SLC26A7: variants seen among roughly 807,000 people sequenced by gnomAD.
The protein encoded by SLC26A7 is anion exchange transporter.
A neutral mutation model predicts 82.5 loss-of-function variants in SLC26A7; 59 were observed. The observed-to-expected ratio is 0.72, with a 90% CI of 0.58 to 0.89. SLC26A7 has a LOEUF of 0.89. Ranked by LOEUF, SLC26A7 falls within the 40% of genes least tolerant of loss-of-function variation. The pLI is 0.00. For missense variants in SLC26A7, 820 were observed against 793.0 expected, an observed-to-expected ratio of 1.03 and a Z score of -0.41; for synonymous variants, 271 against 274.3, an observed-to-expected ratio of 0.99 and a Z score of 0.12.
Position 91,370,101 on chromosome 8 carries a change from ACTT to A in SLC26A7, c.1675+274_1675+276del, listed in dbSNP as rs530071162. 3.5e-3 allele frequency among the ~76,000 whole-genome samples: 515 copies of A among 148,212 alleles called. 3 individuals are homozygous for A. Among genetic ancestry groups the A allele is most frequent in the African/African-American group, 9.8e-3 (396 of 40,346 alleles). On this transcript the variant is annotated intron_variant, in intron 15 of 18. Transcript: ENST00000276609. ...CTTCTCCCTTCTCTTTCTTTCTCCC[ACTT>A]CTTCTCCTGTCTTCTCCCTCTCTCC...
chr8:91,377,280 A>T (rs1814543824), intron 15 of SLC26A7, among the ~76,000 whole-genome samples: 1 of 152,140 alleles, frequency 6.6e-6, no homozygotes, highest in African/African-American at 2.4e-5. Flanking sequence ...CTCCATGTCT[A>T]TTCCTGGCTG....
At chr8:91,260,433 A>G (rs1810931939) in intron 2 of SLC26A7, among the ~76,000 whole-genome samples, 1 of 152,158 alleles carries the variant, frequency 6.6e-6, no homozygotes, top group East Asian at 1.9e-4. Context: ...ACACAGAGCT[A>G]AACCATATCA....
At position 91,301,888 on chromosome 8, in the gene SLC26A7, A is replaced by G. The variant is rs144219196; in HGVS notation, c.477+6185A>G. On this transcript the variant is annotated intron_variant, in intron 4 of 18. Transcript: ENST00000276609. ...TTTGAAATGTATTCTGTTGATTTTT[A>G]TATATACTGTGTTTTGCTTCAATAT... Among the ~76,000 whole-genome samples the G allele has an allele frequency of 2.9e-3, 433 of 151,380 alleles. 2 individuals carry two copies. Among genetic ancestry groups the G allele is most frequent in the African/African-American group, 9.7e-3 (400 of 41,286 alleles).
In SLC26A7 at chr8:91,362,360, G is replaced by A. The variant is rs2130869825; in HGVS notation, c.1322G>A (p.Trp441Ter). 6.2e-7 allele frequency: 1 copy of A among 1,606,582 alleles called. No individual in the cohort carries two copies. The highest frequency in any genetic ancestry group is 2.2e-5 in the East Asian group (1 of 44,794). ...WNVDKIDWGIWVSTYVFTICF... is the reference protein window; with the variant it reads ...WNVDKIDWGI ...TTCTTGTTTCTCTTTCAGGGAATATGGGTCAGTACATATGTATTTACAATA... is the reference window on the plus strand; with the variant it reads ...TTCTTGTTTCTCTTTCAGGGAATATAGGTCAGTACATATGTATTTACAATA... Residue 441 changes from tryptophan to a stop codon, truncating the protein, a stop_gained, in exon 12 of 19, where the codon TGG becomes TAG. Coordinates refer to ENST00000276609, the MANE Select transcript of SLC26A7 (RefSeq NM_052832.4). LOFTEE classifies it high-confidence loss of function.
chr8:91,270,400 T>C (rs1811237010), intron 2 of SLC26A7, among the ~76,000 whole-genome samples: 1 of 152,170 alleles, frequency 6.6e-6, no homozygotes, highest in African/African-American at 2.4e-5. Context: ...CATTGGAACT[T>C]AAACACTGCA....
chr8:91,311,170 C>G (rs1366520658), intron 4 of SLC26A7, among the ~76,000 whole-genome samples: 1 of 152,140 alleles, frequency 6.6e-6, no homozygotes, highest in East Asian at 1.9e-4. Flanking sequence ...TTTAGTCTTC[C>G]AGACTCTAGT....
chr8:91,255,438 T>C (rs1271067594), intron 2 of SLC26A7, among the ~76,000 whole-genome samples: 1 of 152,130 alleles, frequency 6.6e-6, no homozygotes, highest in Non-Finnish European at 1.5e-5. Context: ...TCTGGGAATG[T>C]TTCCCTGCAT....
At chr8:91,390,558 T>G (rs2130906675) in intron 16 of SLC26A7, among the ~76,000 whole-genome samples, 1 of 152,250 alleles carries the variant, frequency 6.6e-6, no homozygotes, top group African/African-American at 2.4e-5. Flanking sequence ...TTCTGCCAGC[T>G]TCTGAGCCTG....
In SLC26A7 at chr8:91,239,398, ATAT is replaced by A. The variant is rs557423718; in HGVS notation, c.-33-10220_-33-10218del. Among the ~76,000 whole-genome samples, 217 of 104,314 alleles carry A rather than the reference ATAT, an allele frequency of 2.1e-3. 1 individual carries two copies. The highest frequency in any genetic ancestry group is 7.8e-3 in the African/African-American group (209 of 26,928). 68.4% of individuals were successfully genotyped at this position (104,314 alleles called of 152,430 possible). A position where few individuals can be genotyped will look rare whatever the true frequency, so the allele number is the denominator to read the frequency against. On this transcript the variant is annotated intron_variant, in intron 2 of 5. Transcript: ENST00000522862. ...CTCAAAAAAAAAAAAAAAAAAAAAT[ATAT>A]ATATATATATGTATATGTATATATA...
At chr8:91,316,451 A>ATTTTTTTTTTTT (rs58981485) in intron 4 of SLC26A7, among the ~76,000 whole-genome samples, 2 of 34,390 alleles carry the variant, frequency 5.8e-5, no homozygotes, top group Non-Finnish European at 1.1e-4. Context: ...CTCAACACTA[A>ATTTTTTTTTTTT]TTTTTTTTTT....
At chr8:91,291,412 A>C (rs1441022031) in intron 3 of SLC26A7, among the ~76,000 whole-genome samples, 1 of 152,196 alleles carries the variant, frequency 6.6e-6, no homozygotes, top group Non-Finnish European at 1.5e-5. Context: ...AAATTATTAA[A>C]GCCTATTTTT....
chr8:91,359,895 T>TGTGTGC (rs1554613536), intron 11 of SLC26A7, among the ~76,000 whole-genome samples: 3 of 151,372 alleles, frequency 2.0e-5, no homozygotes, highest in African/African-American at 4.9e-5. Flanking sequence ...TGTGTGTGTG[T>TGTGTGC]GCGCATGTGT....
At chr8:91,361,815 C>T (rs7823182) in intron 11 of SLC26A7, among the ~76,000 whole-genome samples, 68,702 of 151,872 alleles carry the variant, frequency 0.45, 17,147 homozygotes, top group African/African-American at 0.64. Context: ...ACAAATAAAA[C>T]TATAATGATC....
intron 2 of SLC26A7, among the ~76,000 whole-genome samples, chr8:91,284,118 C>T (rs1811648256): frequency 1.3e-5 from 2 of 152,050 alleles, no homozygotes; most frequent in Admixed American, 1.3e-4. Context: ...AAAAGTTTTC[C>T]GTTTTTGTAG....
intron 5 of SLC26A7, among the ~76,000 whole-genome samples, chr8:91,327,028 C>T (rs923934870): frequency 2.0e-5 from 3 of 152,132 alleles, no homozygotes; most frequent in Non-Finnish European, 4.4e-5. Context: ...TGTGGTCGAT[C>T]CTTTACTTAA....
chr8:91,213,395 G>T (rs1051960796), intron 1 of SLC26A7, among the ~76,000 whole-genome samples: 2 of 152,114 alleles, frequency 1.3e-5, no homozygotes, highest in Middle Eastern at 3.2e-3. Context: ...CCAATGTATG[G>T]TTACCCTTGC....
intron 2 of SLC26A7, among the ~76,000 whole-genome samples, chr8:91,282,083 C>T (rs902741883): frequency 6.6e-6 from 1 of 152,122 alleles, no homozygotes; most frequent in African/African-American, 2.4e-5. Flanking sequence ...GTTTGATCTC[C>T]TCCCTTTGGT....
At chr8:91,257,678 C>T (rs969491059) in intron 2 of SLC26A7, among the ~76,000 whole-genome samples, 1 of 151,262 alleles carries the variant, frequency 6.6e-6, no homozygotes, top group African/African-American at 2.4e-5. Flanking sequence ...CTGTCTTTTC[C>T]TTCTATACAG....
At chr8:91,268,650 T>A (rs1356878625) in intron 2 of SLC26A7, among the ~76,000 whole-genome samples, 2 of 151,826 alleles carry the variant, frequency 1.3e-5, no homozygotes, top group Non-Finnish European at 2.9e-5. Context: ...CATTGAATAA[T>A]TTAATCCATT....
Sources: allele counts gnomAD v4.1 joint callset (sites outside exome capture counted in the v4.1 genomes callset), GRCh38; gene constraint gnomAD v4.1.1; transcripts MANE v1.5; gene names NCBI Gene and HGNC (gene_info 2026-07-23, HGNC 2026-07-21).